The following ANAPC10 variants were observed in gnomAD, a reference collection of about 807,000 sequenced individuals.
The protein encoded by ANAPC10 is anaphase promoting complex subunit 10, also known as anaphase-promoting complex subunit 10.
A neutral mutation model predicts 22.0 loss-of-function variants in ANAPC10; 12 were observed. The observed-to-expected ratio is 0.55, with a 90% CI of 0.35 to 0.88. The LOEUF (loss-of-function observed/expected upper bound fraction) is 0.88, where lower values mean the gene tolerates loss of function less well. Ranked by LOEUF, ANAPC10 falls within the 40% of genes least tolerant of loss-of-function variation. The pLI is 0.01. For missense variants in ANAPC10, 188 were observed against 220.9 expected (o/e 0.85, Z 0.94); for synonymous variants, 65 against 69.5 (o/e 0.94, Z 0.32).
chr4:145,038,725 G>C (rs1003387981), intron 4 of ANAPC10, among the ~76,000 whole-genome samples: 3 of 151,066 alleles, frequency 2.0e-5, no homozygotes, highest in African/African-American at 7.3e-5. Context: ...AAGAGGCTGA[G>C]GCAGGAGAAT....
chr4:145,022,790 G>T (rs972362662), intron 4 of ANAPC10, among the ~76,000 whole-genome samples: 10 of 137,416 alleles, frequency 7.3e-5, no homozygotes, highest in East Asian at 4.2e-4. Flanking sequence ...ATAAAAAACT[G>T]CCAAACCAAA....
At chr4:145,017,052 T>C (rs1329014054) in intron 4 of ANAPC10, among the ~76,000 whole-genome samples, 6 of 152,196 alleles carry the variant, frequency 3.9e-5, no homozygotes, top group East Asian at 1.9e-4. Context: ...ATTCAGGACA[T>C]AGGCATGGGC....
At chr4:145,020,172 G>A (rs569721623) in intron 4 of ANAPC10, among the ~76,000 whole-genome samples, 3 of 152,198 alleles carry the variant, frequency 2.0e-5, no homozygotes, top group Admixed American at 6.5e-5. Flanking sequence ...GAACATAAAT[G>A]CTAAAATCCT....
chr4:145,058,591 C>T (rs1742416784), intron 4 of ANAPC10, among the ~76,000 whole-genome samples: 1 of 152,130 alleles, frequency 6.6e-6, no homozygotes, highest in African/African-American at 2.4e-5. Flanking sequence ...CAGCATTATT[C>T]ACAGAATAAA....
intron 4 of ANAPC10, among the ~76,000 whole-genome samples, chr4:145,036,547 C>G (rs1738568646): frequency 6.6e-6 from 1 of 152,054 alleles, no homozygotes; most frequent in South Asian, 2.1e-4. Context: ...TGGGGTCTTA[C>G]TATGTTGTCC....
intron 4 of ANAPC10, among the ~76,000 whole-genome samples, chr4:145,050,591 G>A (rs1339633809): frequency 1.3e-5 from 2 of 152,194 alleles, no homozygotes; most frequent in Non-Finnish European, 2.9e-5. Flanking sequence ...CATTGAAAAT[G>A]TGTTGCTTGG....
chr4:145,034,518 C>A (rs1210197871), intron 4 of ANAPC10, among the ~76,000 whole-genome samples: 2 of 91,562 alleles, frequency 2.2e-5, no homozygotes, highest in South Asian at 3.9e-4. Context: ...TTAACAAACT[C>A]TCCTTTATAT....
chr4:145,037,538 TACA>T (rs1738773611), intron 4 of ANAPC10, among the ~76,000 whole-genome samples: 1 of 152,162 alleles, frequency 6.6e-6, no homozygotes, highest in African/African-American at 2.4e-5. Context: ...GCCACTGGAT[TACA>T]ACCCACTGAG....
chr4:145,036,007 G>A (rs1204063219), intron 4 of ANAPC10, among the ~76,000 whole-genome samples: 1 of 152,054 alleles, frequency 6.6e-6, no homozygotes, highest in Non-Finnish European at 1.5e-5. Flanking sequence ...TTTATAATCT[G>A]TCAGAGAATT....
At chr4:145,080,620 T>C (rs544801799) in intron 3 of ANAPC10, among the ~76,000 whole-genome samples, 5 of 152,130 alleles carry the variant, frequency 3.3e-5, no homozygotes, top group African/African-American at 9.6e-5. Context: ...TTAAAATAGA[T>C]GGTATAGGCC....
intron 2 of ANAPC10, 111 bp from the exon 3 acceptor site, chr4:145,081,861 CA>C (rs1324233409): frequency 1.1e-5 from 9 of 786,506 alleles, no homozygotes; most frequent in Middle Eastern, 2.8e-4. Context: ...ACAGAAAGGT[CA>C]GAAATATTAA....
chr4:145,025,827 A>G (rs978223518), intron 4 of ANAPC10, among the ~76,000 whole-genome samples: 2 of 152,192 alleles, frequency 1.3e-5, no homozygotes, highest in Non-Finnish European at 2.9e-5. Context: ...GAGAAGTGCA[A>G]TAAAATGAGG....
rs1553963655 is a variant in ANAPC10, at chr4:145,012,195, T to TAC, written c.328-16594_328-16593dup. Among the ~76,000 whole-genome samples, 1,049 of 147,148 alleles carry TAC rather than the reference T, an allele frequency of 7.1e-3. 10 individuals carry two copies. Among genetic ancestry groups the TAC allele is most frequent in the African/African-American group, 0.018 (731 of 40,296 alleles). ...GTGTGTGTATATATATATATATATA[T>TAC]ACACACACACATATATATACATATA... On this transcript the variant is annotated intron_variant, in intron 4 of 4. Coordinates refer to ENST00000507656, the MANE Select transcript of ANAPC10 (RefSeq NM_001256706.2).
intron 4 of ANAPC10, among the ~76,000 whole-genome samples, chr4:145,012,828 G>C (rs146174860): frequency 6.6e-6 from 1 of 152,150 alleles, no homozygotes; most frequent in East Asian, 1.9e-4. Context: ...GTTTGGGTCT[G>C]TGTCCCTGCC....
At chr4:145,017,881 C>T (rs1159158160) in intron 4 of ANAPC10, among the ~76,000 whole-genome samples, 3 of 148,996 alleles carry the variant, frequency 2.0e-5, no homozygotes, top group African/African-American at 7.4e-5. Context: ...AAAAACCAAA[C>T]ACCGTGTGTT....
At chr4:144,999,004 T>C (rs2126839187) in intron 4 of ANAPC10, among the ~76,000 whole-genome samples, 1 of 152,030 alleles carries the variant, frequency 6.6e-6, no homozygotes, top group South Asian at 2.1e-4. Flanking sequence ...GCAAATAAAC[T>C]AGAAAATCTA....
chr4:145,017,771 T>C (rs868183287), intron 4 of ANAPC10, among the ~76,000 whole-genome samples: 8 of 152,060 alleles, frequency 5.3e-5, no homozygotes, highest in African/African-American at 1.9e-4. Context: ...ATACACACCA[T>C]GGAATACTAT....
chr4:145,019,378 A>G (rs1003797000), intron 4 of ANAPC10, among the ~76,000 whole-genome samples: 4 of 152,212 alleles, frequency 2.6e-5, no homozygotes, highest in African/African-American at 9.6e-5. Flanking sequence ...CATGATGGAA[A>G]TTATAAAATG....
intron 4 of ANAPC10, among the ~76,000 whole-genome samples, chr4:145,059,799 T>C (rs1742613287): frequency 6.6e-6 from 1 of 152,092 alleles, no homozygotes; most frequent in African/African-American, 2.4e-5. Context: ...TCTAAAATGC[T>C]ATAATGATCA....
Sources: allele counts gnomAD v4.1 joint callset (sites outside exome capture counted in the v4.1 genomes callset), GRCh38; gene constraint gnomAD v4.1.1; transcripts MANE v1.5; gene names NCBI Gene and HGNC (gene_info 2026-07-23, HGNC 2026-07-21).